The following ABHD18 variants were observed in gnomAD, a reference collection of about 807,000 sequenced individuals.
ABHD18 encodes the protein cardiolipin-specific deacylase, mitochondrial.
A neutral mutation model predicts 65.9 loss-of-function variants in ABHD18; 55 were observed. That is an observed-to-expected ratio of 0.84 (90% CI 0.67 to 1.05). The LOEUF is 1.05. ABHD18 is among the 50% of genes least tolerant of loss of function. The pLI is 0.00. For missense variants in ABHD18, 533 were observed against 558.5 expected (o/e 0.95, Z 0.46); for synonymous variants, 181 against 180.2 (o/e 1.00, Z -0.04).
At chr4:128,035,702 C>A (rs1315273557) in intron 12 of ABHD18, 60 bp from the exon 13 acceptor site, 2 of 954,988 alleles carry the variant, frequency 2.1e-6, no homozygotes, top group Non-Finnish European at 3.2e-6. Flanking sequence ...ACAGTAAAGG[C>A]ATTGTTTGTC....
intron 10 of ABHD18, among the ~76,000 whole-genome samples, chr4:128,021,795 A>C: frequency 6.6e-6 from 1 of 150,774 alleles, no homozygotes; most frequent in Non-Finnish European, 1.5e-5. Context: ...TTGACCACCC[A>C]ACCCAGAAAC....
At position 127,982,188 on chromosome 4, in the gene ABHD18, A is replaced by G. The variant is rs1486206727; in HGVS notation, c.-17-751A>G. Among the ~76,000 whole-genome samples, 7 of 152,354 alleles carry G rather than the reference A, an allele frequency of 4.6e-5. No individual in the cohort carries two copies. In the East Asian group the frequency reaches 9.6e-4, roughly 21 times the overall value. On this transcript the variant is annotated intron_variant, in intron 1 of 12. Transcript: ENST00000645843. ...TCTGAGAAAAAATAAAAAACAATTG[A>G]AAAAGGAAATGCAGATTTTCATTTT...
intron 1 of ABHD18, among the ~76,000 whole-genome samples, chr4:127,981,224 C>T (rs896183445): frequency 2.0e-5 from 3 of 152,238 alleles, no homozygotes; most frequent in East Asian, 3.9e-4. Flanking sequence ...GTATATTCCA[C>T]GTATGATATT....
chr4:127,979,605 G>T (rs1026634310), intron 1 of ABHD18, among the ~76,000 whole-genome samples: 1 of 151,576 alleles, frequency 6.6e-6, no homozygotes, highest in African/African-American at 2.4e-5. Flanking sequence ...TAAATGGATA[G>T]AACAAGGTAT....
At chr4:127,997,335 T>C (rs904869223) in intron 4 of ABHD18, among the ~76,000 whole-genome samples, 1 of 152,176 alleles carries the variant, frequency 6.6e-6, no homozygotes, top group African/African-American at 2.4e-5. Context: ...TACTGTACTC[T>C]CTGGAGATCA....
chr4:127,974,997 CAA>C (rs34068699), intron 1 of ABHD18, among the ~76,000 whole-genome samples: 2 of 88,282 alleles, frequency 2.3e-5, no homozygotes, highest in Admixed American at 1.4e-4. Flanking sequence ...AACTGTGTCT[CAA>C]AAAAAAAAAA....
intron 4 of ABHD18, among the ~76,000 whole-genome samples, chr4:127,992,534 C>T (rs543593703): frequency 6.6e-6 from 1 of 151,768 alleles, no homozygotes; most frequent in Non-Finnish European, 1.5e-5. Flanking sequence ...ACATGTAGCT[C>T]GTTTATGTAT....
intron 10 of ABHD18, among the ~76,000 whole-genome samples, chr4:128,025,799 A>C (rs1757252322): frequency 6.6e-6 from 1 of 152,186 alleles, no homozygotes; most frequent in South Asian, 2.1e-4. Flanking sequence ...GTCAACTGGC[A>C]CTGGAAAATG....
At chr4:127,994,074 G>C (rs758909352) in intron 4 of ABHD18, among the ~76,000 whole-genome samples, 19 of 152,144 alleles carry the variant, frequency 1.2e-4, no homozygotes, top group Non-Finnish European at 2.2e-4. Flanking sequence ...TATTGAGGTA[G>C]AGAAAAATAT....
At chr4:127,993,200 G>T (rs997928785) in intron 4 of ABHD18, among the ~76,000 whole-genome samples, 1 of 152,106 alleles carries the variant, frequency 6.6e-6, no homozygotes, top group Admixed American at 6.5e-5. Context: ...GGAACTATGT[G>T]TCCCTTTCTC....
chr4:127,989,587 G>A, intron 3 of ABHD18, 134 bp from the exon 4 acceptor site: 2 of 520,404 alleles, frequency 3.8e-6, no homozygotes, highest in Non-Finnish European at 6.8e-6. Flanking sequence ...AAAGTACAGT[G>A]GCATAAAAAG....
intron 4 of ABHD18, among the ~76,000 whole-genome samples, chr4:128,002,092 T>C (rs1265740058): frequency 6.6e-6 from 1 of 151,892 alleles, no homozygotes; most frequent in African/African-American, 2.4e-5. Context: ...CTGGCCAACA[T>C]GGTAAAACCC....
At chr4:128,022,325 G>T (rs1756638047) in intron 10 of ABHD18, among the ~76,000 whole-genome samples, 1 of 152,062 alleles carries the variant, frequency 6.6e-6, no homozygotes, top group Non-Finnish European at 1.5e-5. Flanking sequence ...AAGAATTTAG[G>T]TTATTTGACC....
At chr4:127,975,156 A>G (rs1274856938) in intron 1 of ABHD18, among the ~76,000 whole-genome samples, 1 of 152,128 alleles carries the variant, frequency 6.6e-6, no homozygotes, top group African/African-American at 2.4e-5. Context: ...GGTAAAATAC[A>G]GTAACAAAAT....
At position 128,039,750 on chromosome 4, in the gene ABHD18, C is replaced by T. The variant is rs530387545; in HGVS notation, c.*3937C>T. 8 of 151,878 alleles carry T rather than the reference C, an allele frequency of 5.3e-5. No homozygotes were observed. The South Asian group carries it at 6.2e-4, about 12-fold the overall frequency. The allele number at this position is 151,878 out of a possible 1,614,324, so 9.4% of individuals were successfully genotyped here. ...TTTTCAAGAGGTATTATTGTAAATACGGTAGACACATGTCACATTTGATTA... is the reference window on the plus strand; with the variant it reads ...TTTTCAAGAGGTATTATTGTAAATATGGTAGACACATGTCACATTTGATTA... On this transcript the variant is annotated 3_prime_UTR_variant, in exon 13 of 13. Coordinates refer to ENST00000645843, the MANE Select transcript of ABHD18 (RefSeq NM_001358451.3).
intron 1 of ABHD18, among the ~76,000 whole-genome samples, chr4:127,972,906 C>T (rs889815597): frequency 6.6e-6 from 1 of 151,996 alleles, no homozygotes; most frequent in African/African-American, 2.4e-5. Flanking sequence ...AGTGTTTTTA[C>T]TTTGTTTTGG....
rs1461009177 is a variant in ABHD18 at position 128,028,588 on chromosome 4, A to G, written c.915A>G (p.Gln305=). Residue 305 remains glutamine, a synonymous_variant, in exon 11 of 13, where the codon CAA becomes CAG. Coordinates refer to ENST00000645843, the MANE Select transcript of ABHD18 (RefSeq NM_001358451.3). ...SRTLNLDISN[Q]VVSQKPADCH... ...CTTTAAATTTAGATATATCAAACCA[A>G]GTTGTATCCCAAAAACCTGCTGACT... is the stretch of plus-strand genomic sequence containing the variant. The G allele has an allele frequency of 6.2e-7, 1 of 1,613,730 alleles. No homozygotes were observed. The highest frequency in any genetic ancestry group is 8.5e-7 in the Non-Finnish European group (1 of 1,179,848).
intron 12 of ABHD18, chr4:128,031,023 T>C (rs1758131517): frequency 9.8e-7 from 1 of 1,018,480 alleles, no homozygotes; most frequent in Non-Finnish European, 1.2e-6. Flanking sequence ...TCTGATGTTT[T>C]TTCAGAATGG....
rs556836116 is a variant in ABHD18, at chr4:128,028,787, C to T, written c.1114C>T (p.Arg372Trp). 2.7e-5 allele frequency: 44 copies of T among 1,609,478 alleles called. No homozygotes were observed. In the Admixed American group the frequency reaches 4.3e-4, roughly 16 times the overall value. Reference protein sequence around the residue: ...LSKEQSRNSLRKESLIFMKGV... With the variant: ...LSKEQSRNSLWKESLIFMKGV... ...TAAAGAACAAAGCAGAAACAGTCTT[C>T]GGAAAGAGTCTTTAATATTTATGAA... The change falls in exon 11 of 13, where the codon CGG becomes TGG. Residue 372 changes from arginine (R) to tryptophan (W), a missense_variant. Arg to Trp is a moderately radical substitution (Grantham distance 101). Around this residue, in one of 3 missense-constraint regions of ABHD18, gnomAD observed 220 missense variants for 226.8 expected, o/e 0.97. Coordinates refer to ENST00000645843, the MANE Select transcript of ABHD18 (RefSeq NM_001358451.3).
Sources: allele counts gnomAD v4.1 joint callset (sites outside exome capture counted in the v4.1 genomes callset), GRCh38; gene constraint gnomAD v4.1.1; regional missense constraint gnomAD v4.1.1; transcripts MANE v1.5; gene names NCBI Gene and HGNC (gene_info 2026-07-23, HGNC 2026-07-21).